Variants in DACH2 observed in about 807,000 individuals in gnomAD.
DACH2 encodes dachshund homolog 2.
Under a neutral mutation model 35.8 loss-of-function variants are expected in DACH2, and 17 were observed. The observed-to-expected ratio is 0.48, with a 90% CI of 0.33 to 0.71. The LOEUF is 0.71. Ranked by LOEUF, DACH2 falls within the 30% of genes least tolerant of loss-of-function variation. DACH2 has a pLI of 0.02. For synonymous variants in DACH2, 195 were observed against 177.3 expected, an observed-to-expected ratio of 1.10 and a Z score of -0.79; for missense variants, 469 against 472.7, an observed-to-expected ratio of 0.99 and a Z score of 0.07.
At chrX:86,473,013 T>A (rs766914380) in intron 2 of DACH2, among the ~76,000 whole-genome samples, 3 of 111,591 alleles carry the variant, frequency 2.7e-5, no homozygotes, top group Non-Finnish European at 5.7e-5. Flanking sequence ...CCAAGTTTTT[T>A]AAAAATATTT....
chrX:86,283,120 A>G (rs1193027186), intron 1 of DACH2, among the ~76,000 whole-genome samples: 1 of 97,883 alleles, frequency 1.0e-5, no homozygotes, highest in Non-Finnish European at 2.0e-5. Context: ...TAACAAACAT[A>G]TGAGGAAAAG....
At chrX:86,641,427 C>A (rs753447161) in intron 3 of DACH2, among the ~76,000 whole-genome samples, 2 of 111,819 alleles carry the variant, frequency 1.8e-5, no homozygotes, top group African/African-American at 3.2e-5. Context: ...AAATGAATGA[C>A]AAGAATCTCC....
In DACH2 at chrX:86,307,017, C is replaced by G. The variant is rs184284480; in HGVS notation, c.489-69807C>G. Among the ~76,000 whole-genome samples, 4 of 111,470 alleles carry G rather than the reference C, an allele frequency of 3.6e-5. 1 individual carries two copies. In the South Asian group the frequency reaches 1.1e-3, roughly 31 times the overall value. ...TTGGCATGAACTATTTAGATAGTTACGCAAAATAAATGCATTTGACACTCC... is the reference window on the plus strand; with the variant it reads ...TTGGCATGAACTATTTAGATAGTTAGGCAAAATAAATGCATTTGACACTCC... On this transcript the variant is annotated intron_variant, in intron 1 of 11. Coordinates refer to ENST00000373125, the MANE Select transcript of DACH2 (RefSeq NM_053281.3).
intron 1 of DACH2, among the ~76,000 whole-genome samples, chrX:86,246,685 G>T (rs1016795320): frequency 8.9e-6 from 1 of 112,155 alleles, no homozygotes; most frequent in Non-Finnish European, 1.9e-5. Flanking sequence ...ACATGGAAAT[G>T]AGACAGTTAC....
intron 2 of DACH2, among the ~76,000 whole-genome samples, chrX:86,390,324 G>T (rs1286380758): frequency 8.9e-6 from 1 of 111,839 alleles, no homozygotes; most frequent in East Asian, 2.8e-4. Context: ...AAGCTGTTAG[G>T]TTGTTTAAAA....
rs760403178 is a variant in DACH2 at position 86,581,280 on chromosome X, G to A, written c.640+66889G>A. Among the ~76,000 whole-genome samples the A allele has an allele frequency of 1.3e-4, 15 of 111,760 alleles. No individual in the cohort carries two copies. The Admixed American group carries it at 1.4e-3, about 11-fold the overall frequency. On this transcript the variant is annotated intron_variant, in intron 3 of 11. Coordinates refer to ENST00000373125, the MANE Select transcript of DACH2 (RefSeq NM_053281.3). The stretch of plus-strand genomic sequence containing the variant: ...CCAACCACCTCAAAAACACACCTGA[G>A]TACATAGATCATTGACACTATACAG...
intron 1 of DACH2, among the ~76,000 whole-genome samples, chrX:86,298,114 G>A (rs915575561): frequency 3.6e-5 from 4 of 111,615 alleles, no homozygotes; most frequent in Non-Finnish European, 5.6e-5. Context: ...GTTCCTGAGC[G>A]CATTGTTTGT....
intron 1 of DACH2, among the ~76,000 whole-genome samples, chrX:86,210,718 A>T (rs1469889384): frequency 1.8e-5 from 2 of 111,824 alleles, no homozygotes; most frequent in Non-Finnish European, 3.8e-5. Context: ...GGGGAAAAAA[A>T]GTTGGAAGCC....
chrX:86,755,201 G>T (rs2041815259), intron 7 of DACH2, among the ~76,000 whole-genome samples: 1 of 111,349 alleles, frequency 9.0e-6, no homozygotes, highest in African/African-American at 3.3e-5. Context: ...ATATCTGTGG[G>T]CTATTTTTAC....
intron 3 of DACH2, among the ~76,000 whole-genome samples, chrX:86,563,705 T>C (rs2039256479): frequency 9.1e-6 from 1 of 110,479 alleles, no homozygotes; most frequent in African/African-American, 3.3e-5. Context: ...ACTAGTTCTG[T>C]GTCCTTAGGA....
chrX:86,828,586 G>A (rs1001445357), intron 11 of DACH2: 1 of 111,270 alleles, frequency 9.0e-6, no homozygotes, highest in African/African-American at 3.3e-5. Context: ...AAATCTATAG[G>A]CATAAGAAAA....
intron 7 of DACH2, among the ~76,000 whole-genome samples, chrX:86,779,661 G>A (rs758775343): frequency 9.9e-5 from 11 of 111,656 alleles, no homozygotes; most frequent in African/African-American, 3.6e-4. Context: ...GAGAGTTGCA[G>A]TGCCTTGGAT....
At chrX:86,522,605 G>A (rs984399730) in intron 3 of DACH2, among the ~76,000 whole-genome samples, 1 of 104,565 alleles carries the variant, frequency 9.6e-6, no homozygotes, top group Admixed American at 1.1e-4. Context: ...GTGAGTTAGA[G>A]TTTTCCCAGA....
intron 1 of DACH2, among the ~76,000 whole-genome samples, chrX:86,153,208 A>G (rs978344376): frequency 3.6e-5 from 4 of 111,382 alleles, no homozygotes; most frequent in South Asian, 3.7e-4. Flanking sequence ...TTAGTAATGC[A>G]TTTGGAGACA....
chrX:86,810,894 C>T (rs1399278276), intron 7 of DACH2, among the ~76,000 whole-genome samples: 1 of 110,964 alleles, frequency 9.0e-6, no homozygotes, highest in Non-Finnish European at 1.9e-5. Flanking sequence ...AAGAGTTTAG[C>T]GTTAATTTTA....
At chrX:86,761,988 G>A (rs537561025) in intron 7 of DACH2, among the ~76,000 whole-genome samples, 18 of 110,620 alleles carry the variant, frequency 1.6e-4, no homozygotes, top group South Asian at 3.9e-4. Context: ...GTCATTGCAC[G>A]GTCTGGTCTA....
intron 2 of DACH2, among the ~76,000 whole-genome samples, chrX:86,380,556 C>G (rs1426852564): frequency 9.1e-6 from 1 of 110,155 alleles, no homozygotes; most frequent in Non-Finnish European, 1.9e-5. Flanking sequence ...AAGGAAAGAG[C>G]AGGAAATACT....
intron 5 of DACH2, among the ~76,000 whole-genome samples, chrX:86,698,428 T>C (rs919751604): frequency 9.2e-6 from 1 of 108,461 alleles, no homozygotes; most frequent in Non-Finnish European, 1.9e-5. Context: ...TTGGAAAGTT[T>C]GATTTATGTA....
chrX:86,247,622 T>C (rs768285499), intron 1 of DACH2, among the ~76,000 whole-genome samples: 2 of 111,211 alleles, frequency 1.8e-5, no homozygotes, highest in South Asian at 3.8e-4. Context: ...GAATCAATAA[T>C]CTATGTTCAT....
Sources: gnomAD v4.1 joint callset for allele counts (sites outside exome capture counted in the v4.1 genomes callset) on GRCh38, gnomAD v4.1.1 for gene constraint, MANE v1.5 for transcripts, NCBI Gene and HGNC (gene_info 2026-07-23, HGNC 2026-07-21) for gene names.